The following SOBP variants were observed in gnomAD, a reference collection of about 807,000 sequenced individuals.
SOBP encodes sine oculis binding protein homolog, also known as sine oculis-binding protein homolog.
Under a neutral mutation model 53.6 loss-of-function variants are expected in SOBP, and 4 were observed. The ratio of observed to expected loss-of-function variants is 0.07; its 90% CI spans 0.04 to 0.17. SOBP has a LOEUF of 0.17. SOBP is among the 10% of genes least tolerant of loss of function. The pLI, the probability that SOBP is intolerant of heterozygous loss-of-function variation, is 1.00. For synonymous variants in SOBP, 584 were observed against 522.6 expected, an observed-to-expected ratio of 1.12 and a Z score of -1.60; for missense variants, 1,088 against 1,204.7, an observed-to-expected ratio of 0.90 and a Z score of 1.43.
At chr6:107,571,726 T>C (rs1351123908) in intron 4 of SOBP, among the ~76,000 whole-genome samples, 1 of 152,214 alleles carries the variant, frequency 6.6e-6, no homozygotes, top group Non-Finnish European at 1.5e-5. Context: ...TTTTTCATTT[T>C]AACCTCGAAA....
intron 5 of SOBP, chr6:107,621,213 T>G (rs1770139463): frequency 1.6e-5 from 9 of 552,678 alleles, no homozygotes; most frequent in Non-Finnish European, 1.8e-5. Flanking sequence ...TGTCCCGGGT[T>G]GTCTTGGTTC....
chr6:107,502,555 AAC>A (rs1429781747), intron 1 of SOBP, among the ~76,000 whole-genome samples: 1 of 152,202 alleles, frequency 6.6e-6, no homozygotes, highest in Non-Finnish European at 1.5e-5. Context: ...TAACAACAGC[AAC>A]AGTGATATTA....
chr6:107,590,107 G>A (rs751245194), intron 5 of SOBP, among the ~76,000 whole-genome samples: 6 of 152,098 alleles, frequency 3.9e-5, no homozygotes, highest in South Asian at 2.1e-4. Flanking sequence ...TCAAATGCTC[G>A]TATCTCTGGC....
In SOBP at chr6:107,536,123, C is replaced by T. The variant is rs185725699; in HGVS notation, c.573+2513C>T. Among the ~76,000 whole-genome samples, 8 of 151,858 alleles carry T rather than the reference C, an allele frequency of 5.3e-5. No individual in the cohort carries two copies. The East Asian group carries it at 1.4e-3, about 26-fold the overall frequency. On this transcript the variant is annotated intron_variant, in intron 4 of 6. Coordinates refer to ENST00000317357, the MANE Select transcript of SOBP (RefSeq NM_018013.4). ...GTGTGTGTGCAGAACAGAATTTTGC[C>T]TTAGGTATAGTGTAGACTTAAAAAA...
intron 1 of SOBP, among the ~76,000 whole-genome samples, chr6:107,491,740 C>T (rs1322025580): frequency 6.6e-6 from 1 of 152,138 alleles, no homozygotes; most frequent in African/African-American, 2.4e-5. Flanking sequence ...CTTGGTGTTC[C>T]CCATCTTCTG....
chr6:107,607,646 G>A (rs1371137152), intron 5 of SOBP, among the ~76,000 whole-genome samples: 1 of 152,206 alleles, frequency 6.6e-6, no homozygotes, highest in Non-Finnish European at 1.5e-5. Context: ...CTGATCATGT[G>A]TAGTTCAGCA....
chr6:107,591,096 G>T (rs888462958), intron 5 of SOBP, among the ~76,000 whole-genome samples: 4 of 152,164 alleles, frequency 2.6e-5, no homozygotes, highest in African/African-American at 9.7e-5. Context: ...CATCCTGGTG[G>T]TATAGCTAAG....
At chr6:107,612,671 C>T (rs1020803686) in intron 5 of SOBP, among the ~76,000 whole-genome samples, 2 of 152,166 alleles carry the variant, frequency 1.3e-5, no homozygotes, top group Non-Finnish European at 2.9e-5. Context: ...CAGTGTTTTA[C>T]AACCATAACC....
At chr6:107,628,030 A>G (rs1380882937) in intron 5 of SOBP, among the ~76,000 whole-genome samples, 1 of 152,164 alleles carries the variant, frequency 6.6e-6, no homozygotes, top group African/African-American at 2.4e-5. Flanking sequence ...TTTGGAAGAT[A>G]GTTCTGCCAT....
At chr6:107,563,255 GCAAA>G (rs1784822453) in intron 4 of SOBP, among the ~76,000 whole-genome samples, 1 of 152,182 alleles carries the variant, frequency 6.6e-6, no homozygotes, top group Non-Finnish European at 1.5e-5. Context: ...AGACCCCATC[GCAAA>G]CAAAGAAGAA....
chr6:107,627,665 AT>A (rs1418681528), intron 5 of SOBP, among the ~76,000 whole-genome samples: 2 of 152,238 alleles, frequency 1.3e-5, no homozygotes, highest in African/African-American at 4.8e-5. Context: ...AAAAACCCAA[AT>A]AAAAAGAACT....
Position 107,612,781 on chromosome 6 carries a change from T to C in SOBP, c.670-20733T>C, listed in dbSNP as rs182601778. ...CTCCAATCCCCAGCCCCAGATAACC[T>C]CTAATCTCCTTCTGTCTCTATGAAT... On this transcript the variant is annotated intron_variant, in intron 5 of 6. Coordinates refer to ENST00000317357, the MANE Select transcript of SOBP (RefSeq NM_018013.4). 5.9e-5 allele frequency among the ~76,000 whole-genome samples: 9 copies of C among 152,260 alleles called. No homozygotes were observed. The East Asian group carries it at 1.7e-3, about 29-fold the overall frequency.
chr6:107,551,536 A>G (rs1784459794), intron 4 of SOBP, among the ~76,000 whole-genome samples: 1 of 152,186 alleles, frequency 6.6e-6, no homozygotes, highest in Non-Finnish European at 1.5e-5. Flanking sequence ...CACAGCTACA[A>G]CCTGGCTAAA....
intron 5 of SOBP, among the ~76,000 whole-genome samples, chr6:107,613,569 A>G (rs1786676274): frequency 1.3e-5 from 2 of 152,242 alleles, no homozygotes; most frequent in Non-Finnish European, 2.9e-5. Context: ...AGTAAGTGAG[A>G]GGAAAAGGAG....
chr6:107,577,589 G>A (rs990493676), intron 4 of SOBP, among the ~76,000 whole-genome samples: 1 of 152,186 alleles, frequency 6.6e-6, no homozygotes, highest in Non-Finnish European at 1.5e-5. Context: ...CTTGTAGTCT[G>A]TACAGCATCA....
At chr6:107,491,178 C>T (rs1475045641) in intron 1 of SOBP, among the ~76,000 whole-genome samples, 40 of 152,340 alleles carry the variant, frequency 2.6e-4, no homozygotes, top group Admixed American at 2.6e-3. Flanking sequence ...CCCGCTTCCC[C>T]CCAACCAACC....
At chr6:107,589,033 T>C (rs1276533215) in intron 5 of SOBP, among the ~76,000 whole-genome samples, 1 of 152,258 alleles carries the variant, frequency 6.6e-6, no homozygotes, top group Non-Finnish European at 1.5e-5. Context: ...TATGCTTCTA[T>C]ATGAAAGAGA....
At chr6:107,653,019 T>A (rs140196504) in intron 6 of SOBP, among the ~76,000 whole-genome samples, 1 of 152,340 alleles carries the variant, frequency 6.6e-6, no homozygotes, top group Non-Finnish European at 1.5e-5. Context: ...TTTATTGCAA[T>A]GCTCACTTTA....
intron 6 of SOBP, 102 bp from the exon 7 acceptor site, chr6:107,658,105 G>C (rs2114260437): frequency 6.5e-6 from 1 of 153,116 alleles, no homozygotes; most frequent in East Asian, 1.9e-4. Context: ...GGCGGCTGGA[G>C]AGTGTGCTGC....
Sources: gnomAD v4.1 joint callset for allele counts (sites outside exome capture counted in the v4.1 genomes callset) on GRCh38, gnomAD v4.1.1 for gene constraint, MANE v1.5 for transcripts, NCBI Gene and HGNC (gene_info 2026-07-23, HGNC 2026-07-21) for gene names.